DDX60L: variants seen among roughly 807,000 people sequenced by gnomAD.
DDX60L encodes the protein DExD/H-box 60 like.
In DDX60L, 191 loss-of-function variants were observed where a neutral mutation model predicts 211.6. The ratio of observed to expected loss-of-function variants is 0.90; its 90% confidence interval spans 0.80 to 1.02. The LOEUF (loss-of-function observed/expected upper bound fraction) is 1.02. Ranked by LOEUF, DDX60L falls within the 50% of genes least tolerant of loss-of-function variation. The pLI, the probability that DDX60L is intolerant of heterozygous loss-of-function variation, is 0.00. For synonymous variants in DDX60L, 706 were observed against 694.1 expected (o/e 1.02, Z -0.27); for missense variants, 2,007 against 1,984.1 (o/e 1.01, Z -0.22).
At chr4:168,419,479 ATGC>A (rs1294825063) in intron 18 of DDX60L, 82 bp from the exon 19 acceptor site, 21 of 934,930 alleles carry the variant, frequency 2.2e-5, no homozygotes, top group Non-Finnish European at 2.8e-5. Flanking sequence ...CCTAGAAAAT[ATGC>A]TGCTGCTGAT....
In DDX60L at chr4:168,453,146, T is replaced by C. The variant is rs1448288715; in HGVS notation, c.974A>G (p.Asn325Ser). ...TACCATTTTTAAGAAAGAATCACTG[T>C]TCCTAATCCAAGAGCATGTGATGAC... ...SRVITCSWIR[N>S]SDSFLKMNKW... Residue 325 changes from asparagine (N) to serine (S), a missense_variant, in exon 8 of 38, where the codon AAC becomes AGC. Transcript: ENST00000682922. The C allele has an allele frequency of 1.2e-6, 2 of 1,610,608 alleles. No homozygotes were observed. Among genetic ancestry groups the C allele is most frequent in the African/African-American group, 1.3e-5 (1 of 74,902 alleles).
chr4:168,367,289 G>A (rs1446262882), intron 36 of DDX60L, among the ~76,000 whole-genome samples: 2 of 152,146 alleles, frequency 1.3e-5, no homozygotes, highest in Non-Finnish European at 2.9e-5. Context: ...TGATTTATGA[G>A]GGCGGGTCTT....
chr4:168,360,459 G>T (rs1367608692), intron 37 of DDX60L, among the ~76,000 whole-genome samples: 1 of 152,160 alleles, frequency 6.6e-6, no homozygotes, highest in African/African-American at 2.4e-5. Flanking sequence ...ACTCGGCTCA[G>T]ACCAAGGAAA....
intron 33 of DDX60L, 49 bp downstream of exon 33, chr4:168,378,305 C>T (rs1158050533): frequency 9.0e-7 from 1 of 1,110,144 alleles, no homozygotes; most frequent in Admixed American, 2.5e-5. Context: ...CAGTAGCATA[C>T]ATTTAATAAC....
intron 22 of DDX60L, among the ~76,000 whole-genome samples, chr4:168,409,137 T>G (rs1748246994): frequency 6.6e-6 from 1 of 152,172 alleles, no homozygotes; most frequent in Admixed American, 6.5e-5. Flanking sequence ...TCTAAGCATT[T>G]TAAGAAGCAT....
At chr4:168,415,583 C>A in intron 21 of DDX60L, 66 bp from the exon 22 acceptor site, 2 of 1,419,990 alleles carry the variant, frequency 1.4e-6, no homozygotes, top group South Asian at 1.4e-5. Flanking sequence ...GGATTTAAAA[C>A]ACAAAAATCC....
intron 29 of DDX60L, among the ~76,000 whole-genome samples, chr4:168,389,587 G>A (rs1024416603): frequency 2.0e-5 from 3 of 152,096 alleles, no homozygotes; most frequent in Admixed American, 6.6e-5. Context: ...TGATACAGCT[G>A]GACAAAGTCA....
chr4:168,435,600 G>A (rs1752927874), intron 10 of DDX60L, among the ~76,000 whole-genome samples: 1 of 150,932 alleles, frequency 6.6e-6, no homozygotes, highest in Non-Finnish European at 1.5e-5. Flanking sequence ...CGCAGCTATC[G>A]AGCTGGCAAA....
chr4:168,451,441 A>G (rs1428907621), intron 8 of DDX60L, among the ~76,000 whole-genome samples: 1 of 152,206 alleles, frequency 6.6e-6, no homozygotes. Context: ...CCTGAAAGTC[A>G]TCATTGACTC....
At position 168,415,660 on chromosome 4, in the gene DDX60L, G is replaced by A. The variant is rs201384772; in HGVS notation, c.2866C>T (p.Leu956Phe). 404 of 1,577,434 alleles carry A rather than the reference G, an allele frequency of 2.6e-4. 1 individual carries two copies. In the African/African-American group the frequency reaches 4.5e-3, roughly 17 times the overall value. ...SYKNQSYEVR[L>F]VLCGERYNDL... ...AACATAAAAAAAATAAGCTTACCAAGTCTAACTTCATATGATTGATTTTTA... is the reference window on the plus strand; with the variant it reads ...AACATAAAAAAAATAAGCTTACCAAATCTAACTTCATATGATTGATTTTTA... The change falls in exon 21 of 38, where the codon CTT (leucine) becomes TTT (phenylalanine). Residue 956 changes from leucine (L) to phenylalanine (F), a missense_variant. Transcript: ENST00000682922.
intron 10 of DDX60L, among the ~76,000 whole-genome samples, chr4:168,436,569 G>C (rs1190396052): frequency 6.6e-6 from 1 of 152,154 alleles, no homozygotes; most frequent in African/African-American, 2.4e-5. Context: ...TACTTTGAAG[G>C]CTGGGGCAAC....
Position 168,462,001 on chromosome 4 carries a change from A to C in DDX60L, c.304T>G (p.Ser102Ala). 1 of 1,610,824 alleles carries C rather than the reference A, an allele frequency of 6.2e-7. No individual in the cohort carries two copies. Among genetic ancestry groups the C allele is most frequent in the Non-Finnish European group, 8.5e-7 (1 of 1,177,948 alleles). The change falls in exon 5 of 38, where the codon TCA (serine) becomes GCA (alanine). Residue 102 changes from serine (S) to alanine (A), a missense_variant. Ser to Ala is a moderately conservative substitution (Grantham distance 99). Transcript: ENST00000682922. ...TGGAGAATTAAAGCGGTCCTCAATG[A>C]AAGAAGTTCAGGAAAATCAAAATAT... Reference protein sequence around the residue: ...YAYFDFPELLSLRTALILHLQ... With the variant: ...YAYFDFPELLALRTALILHLQ...
intron 4 of DDX60L, among the ~76,000 whole-genome samples, chr4:168,468,391 G>C (rs1184885742): frequency 6.6e-6 from 1 of 152,016 alleles, no homozygotes; most frequent in Non-Finnish European, 1.5e-5. Context: ...AAGAGGAAAG[G>C]TGTATCAGAG....
intron 36 of DDX60L, among the ~76,000 whole-genome samples, chr4:168,370,584 T>C (rs1427299437): frequency 2.0e-5 from 3 of 152,148 alleles, no homozygotes; most frequent in South Asian, 2.1e-4. Flanking sequence ...AGAGAGGTTT[T>C]GAACATTCTC....
Position 168,433,389 on chromosome 4 carries a change from A to G in DDX60L, c.1295-274T>C, listed in dbSNP as rs183050350. On this transcript the variant is annotated intron_variant, in intron 10 of 37. Transcript: ENST00000682922. ...GTAGATTTTCCATTTCCAAGTACTT[A>G]TTCTTTTTTATTATGTCACAGTATG... Among the ~76,000 whole-genome samples the G allele has an allele frequency of 1.4e-3, 209 of 152,248 alleles. 1 individual carries two copies. The highest frequency in any genetic ancestry group is 2.3e-3 in the Non-Finnish European group (155 of 67,988).
At chr4:168,371,891 G>A (rs1318468638) in intron 35 of DDX60L, 128 bp from the exon 36 acceptor site, 4 of 853,730 alleles carry the variant, frequency 4.7e-6, no homozygotes, top group Admixed American at 2.6e-5. Flanking sequence ...GAAGGAGGCA[G>A]GCAGAGGGGG....
At chr4:168,426,454 G>A (rs1348151705) in intron 14 of DDX60L, among the ~76,000 whole-genome samples, 11 of 152,210 alleles carry the variant, frequency 7.2e-5, no homozygotes, top group South Asian at 2.1e-4. Context: ...TTAGAAAACC[G>A]AAATATTTTA....
At chr4:168,358,571 A>G (rs1469444840) in intron 37 of DDX60L, among the ~76,000 whole-genome samples, 7 of 121,644 alleles carry the variant, frequency 5.8e-5, no homozygotes, top group African/African-American at 2.2e-4. Context: ...TCTGTTGCCC[A>G]GGTTGGAGTG....
Position 168,419,323 on chromosome 4 carries a change from G to T in DDX60L, c.2589C>A (p.Ile863=). Residue 863 remains isoleucine (I), a synonymous_variant, in exon 19 of 38, where the codon ATC becomes ATA. Coordinates refer to ENST00000682922, the MANE Select transcript of DDX60L (RefSeq NM_001012967.3). ...CTACCTCATCAAATATAACATATCT[G>T]ATCCTTTCCACCCATTTTTGGCGAT... The part of the protein sequence containing the change: ...APHRQKWVER[I]RYVIFDEVHY... 6.3e-7 allele frequency: 1 copy of T among 1,597,732 alleles called. No individual in the cohort carries two copies. The highest frequency in any genetic ancestry group is 8.5e-7 in the Non-Finnish European group (1 of 1,170,880).
Sources: allele counts gnomAD v4.1 joint callset (sites outside exome capture counted in the v4.1 genomes callset), GRCh38; gene constraint gnomAD v4.1.1; transcripts MANE v1.5; gene names NCBI Gene and HGNC (gene_info 2026-07-23, HGNC 2026-07-21).